DENND1A: variants seen among roughly 807,000 people sequenced by gnomAD.
The protein encoded by DENND1A is DENN domain-containing protein 1A.
In DENND1A, 51 loss-of-function variants were observed where a neutral mutation model predicts 113.7. The ratio of observed to expected loss-of-function variants is 0.45; its 90% CI spans 0.36 to 0.57. DENND1A has a LOEUF of 0.57. DENND1A is among the 20% of genes least tolerant of loss of function. DENND1A has a pLI of 0.00. For missense variants in DENND1A, 1,258 were observed against 1,395.9 expected, an observed-to-expected ratio of 0.90 and a Z score of 1.57; for synonymous variants, 565 against 570.8, an observed-to-expected ratio of 0.99 and a Z score of 0.14.
At chr9:123,586,278 G>A (rs1171192611) in intron 11 of DENND1A, among the ~76,000 whole-genome samples, 4 of 152,134 alleles carry the variant, frequency 2.6e-5, no homozygotes, top group African/African-American at 9.7e-5. Flanking sequence ...GTTGATTCTG[G>A]ACCAGAATCA....
intron 16 of DENND1A, 145 bp from the exon 17 acceptor site, chr9:123,452,492 C>T: frequency 2.9e-6 from 2 of 682,600 alleles, no homozygotes; most frequent in Non-Finnish European, 5.1e-6. Flanking sequence ...GATAACTGGT[C>T]CCTGCCAGTC....
chr9:123,482,754 CT>C (rs2050453178), intron 13 of DENND1A, among the ~76,000 whole-genome samples: 1 of 152,344 alleles, frequency 6.6e-6, no homozygotes, highest in African/African-American at 2.4e-5. Flanking sequence ...CACCTGGAGG[CT>C]GCAGAAAGCA....
At chr9:123,540,997 T>C (rs141301566) in intron 13 of DENND1A, among the ~76,000 whole-genome samples, 3 of 152,330 alleles carry the variant, frequency 2.0e-5, no homozygotes, top group Non-Finnish European at 4.4e-5. Flanking sequence ...TTTCTCTATC[T>C]TCTTCCTTAG....
chr9:123,783,547 C>A lies in DENND1A; in HGVS notation c.132+9040G>T, dbSNP rs188151502. On this transcript the variant is annotated intron_variant, in intron 3 of 23. Coordinates refer to ENST00000394215, the MANE Select transcript of DENND1A (RefSeq NM_001352964.2). Reference sequence around the variant, plus strand: ...GTCAGGTGTTATTCTAAGCACTTCACACATTTTAAATCATGACACCCTCAT... The same window carrying A: ...GTCAGGTGTTATTCTAAGCACTTCAAACATTTTAAATCATGACACCCTCAT... Among the ~76,000 whole-genome samples, 519 of 152,320 alleles carry A rather than the reference C, an allele frequency of 3.4e-3. 7 individuals carry two copies. The highest frequency in any genetic ancestry group is 0.011 in the African/African-American group (460 of 41,568).
At chr9:123,641,779 G>T (rs1234042872) in intron 9 of DENND1A, among the ~76,000 whole-genome samples, 1 of 152,176 alleles carries the variant, frequency 6.6e-6, no homozygotes. Context: ...TCTATTCACT[G>T]GTTCCAAATC....
chr9:123,402,867 G>C (rs2043606722), intron 21 of DENND1A, among the ~76,000 whole-genome samples: 1 of 152,208 alleles, frequency 6.6e-6, no homozygotes, highest in African/African-American at 2.4e-5. Context: ...CAGTCCTACG[G>C]GAGGTGCTGG....
chr9:123,768,492 T>C (rs1250381320), intron 4 of DENND1A, among the ~76,000 whole-genome samples: 2 of 152,196 alleles, frequency 1.3e-5, no homozygotes, highest in Non-Finnish European at 2.9e-5. Flanking sequence ...AAATACATGA[T>C]AGAATCTTCC....
At chr9:123,800,625 A>G (rs898192180) in intron 2 of DENND1A, among the ~76,000 whole-genome samples, 1 of 152,222 alleles carries the variant, frequency 6.6e-6, no homozygotes, top group African/African-American at 2.4e-5. Flanking sequence ...ATCTGGACAA[A>G]TAACTACAAC....
chr9:123,425,577 AC>A (rs1230762387), intron 19 of DENND1A, among the ~76,000 whole-genome samples: 1 of 152,146 alleles, frequency 6.6e-6, no homozygotes, highest in African/African-American at 2.4e-5. Flanking sequence ...TCCCCACGTC[AC>A]TGCCTTTCCT....
intron 4 of DENND1A, among the ~76,000 whole-genome samples, chr9:123,763,443 A>G (rs532460952): frequency 1.3e-5 from 2 of 152,330 alleles, no homozygotes; most frequent in East Asian, 3.9e-4. Flanking sequence ...GGAAGATCCA[A>G]GAGTTCCATT....
chr9:123,926,857 A>G (rs906687686), intron 1 of DENND1A, among the ~76,000 whole-genome samples: 5 of 152,078 alleles, frequency 3.3e-5, no homozygotes, highest in Non-Finnish European at 7.4e-5. Context: ...GTTTATGTCC[A>G]GCATGGTACG....
At chr9:123,679,279 A>G (rs576098302) in intron 5 of DENND1A, among the ~76,000 whole-genome samples, 3 of 152,322 alleles carry the variant, frequency 2.0e-5, no homozygotes, top group Non-Finnish European at 4.4e-5. Flanking sequence ...CAACTGACCA[A>G]TGTGGCTTGG....
At chr9:123,399,745 G>A (rs1000483946) in intron 21 of DENND1A, among the ~76,000 whole-genome samples, 3 of 152,222 alleles carry the variant, frequency 2.0e-5, no homozygotes, top group Non-Finnish European at 4.4e-5. Flanking sequence ...CTGTCTCTCT[G>A]GGCAAAGCCA....
intron 19 of DENND1A, among the ~76,000 whole-genome samples, chr9:123,431,254 T>A (rs2046112151): frequency 6.6e-6 from 1 of 152,194 alleles, no homozygotes; most frequent in African/African-American, 2.4e-5. Flanking sequence ...TTACCCTGCA[T>A]TCTACTCTCT....
At chr9:123,887,935 A>G (rs1849340234) in intron 1 of DENND1A, among the ~76,000 whole-genome samples, 1 of 152,230 alleles carries the variant, frequency 6.6e-6, no homozygotes, top group African/African-American at 2.4e-5. Context: ...TTATATGTAT[A>G]TATATAACTT....
chr9:123,647,732 T>G (rs1227876801), intron 9 of DENND1A, among the ~76,000 whole-genome samples: 1 of 152,234 alleles, frequency 6.6e-6, no homozygotes, highest in Admixed American at 6.5e-5. Context: ...ATATTGATAG[T>G]GCAGTTCATT....
chr9:123,736,983 C>T (rs2068610724), intron 5 of DENND1A, among the ~76,000 whole-genome samples: 1 of 152,096 alleles, frequency 6.6e-6, no homozygotes, highest in Admixed American at 6.5e-5. Flanking sequence ...GGTTACTGAT[C>T]TAGAAGTTAT....
intron 1 of DENND1A, among the ~76,000 whole-genome samples, chr9:123,903,639 C>T (rs1852155147): frequency 6.6e-6 from 1 of 152,184 alleles, no homozygotes; most frequent in Admixed American, 6.5e-5. Context: ...GGGTCACTCC[C>T]ACCCGAATAT....
chr9:123,782,509 C>T (rs910820026), intron 3 of DENND1A, among the ~76,000 whole-genome samples: 1 of 152,176 alleles, frequency 6.6e-6, no homozygotes, highest in African/African-American at 2.4e-5. Flanking sequence ...CTCCTAACAG[C>T]CATGCACAGT....
Sources: gnomAD v4.1 joint callset for allele counts (sites outside exome capture counted in the v4.1 genomes callset) on GRCh38, gnomAD v4.1.1 for gene constraint, MANE v1.5 for transcripts, NCBI Gene and HGNC (gene_info 2026-07-23, HGNC 2026-07-21) for gene names.